RNF138: variants seen among roughly 807,000 people sequenced by gnomAD.
RNF138 encodes the protein E3 ubiquitin-protein ligase RNF138.
Under a neutral mutation model 31.0 loss-of-function variants are expected in RNF138, and 12 were observed. That is an observed-to-expected ratio of 0.39 (90% CI 0.25 to 0.63). RNF138 has a LOEUF of 0.63. Among genes scored for constraint, RNF138 ranks in the 20% least tolerant of loss-of-function variants. RNF138 has a pLI of 0.52. For missense variants in RNF138, 192 were observed against 300.1 expected (o/e 0.64, Z 2.66); for synonymous variants, 105 against 99.5 (o/e 1.06, Z -0.33).
At chr18:32,116,836 T>A (rs974894606) in intron 4 of RNF138, among the ~76,000 whole-genome samples, 1 of 151,126 alleles carries the variant, frequency 6.6e-6, no homozygotes, top group Non-Finnish European at 1.5e-5. Flanking sequence ...CCACCTGCCT[T>A]GGCCTTCCAA....
At chr18:32,126,830 A>C in intron 7 of RNF138, 30 bp downstream of exon 7, 1 of 1,291,416 alleles carries the variant, frequency 7.7e-7, no homozygotes. Context: ...TTAAGAAAGT[A>C]CTGTTTAAAT....
At chr18:32,103,849 C>G (rs2039982824) in intron 2 of RNF138, among the ~76,000 whole-genome samples, 2 of 98,166 alleles carry the variant, frequency 2.0e-5, no homozygotes, top group Admixed American at 2.5e-4. Flanking sequence ...ACCTGTAGTC[C>G]CAGCTACTCG....
rs1568244293 is a variant in RNF138, at chr18:32,129,663, A to T, written c.*476A>T. On this transcript the variant is annotated 3_prime_UTR_variant, in exon 8 of 8. Transcript: ENST00000261593. ...TGCTAAATGGAATAATCCAAAGGAA[A>T]TTTTTTAAATGCAGGTTCTAGCTGA... 6.6e-6 allele frequency: 1 copy of T among 152,662 alleles called. No individual in the cohort carries two copies. The highest frequency in any genetic ancestry group is 2.4e-5 in the African/African-American group (1 of 41,456). 9.5% of individuals were successfully genotyped at this position (152,662 alleles called of 1,614,324 possible). A position where few individuals can be genotyped will look rare whatever the true frequency, so the allele number is the denominator to read the frequency against.
At chr18:32,111,611 C>T (rs2040132214) in intron 2 of RNF138, 143 bp from the exon 3 acceptor site, 2 of 668,034 alleles carry the variant, frequency 3.0e-6, no homozygotes, top group African/African-American at 3.7e-5. Flanking sequence ...TATACAGTTA[C>T]TAAACTTCTG....
intron 4 of RNF138, among the ~76,000 whole-genome samples, chr18:32,121,591 C>CTATT (rs2040307121): frequency 6.6e-6 from 1 of 152,078 alleles, no homozygotes; most frequent in South Asian, 2.1e-4. Context: ...TTCTATAAAC[C>CTATT]TATTAGAAGT....
In RNF138 at chr18:32,096,971, G is replaced by A. The variant is rs140367287; in HGVS notation, c.110+4085G>A. Among the ~76,000 whole-genome samples, 31 of 152,196 alleles carry A rather than the reference G, an allele frequency of 2.0e-4. No individual in the cohort carries two copies. The East Asian group carries it at 5.6e-3, about 28-fold the overall frequency. ...AGTCTCTAACTCCTGGGTGCAAACCGTCCTCCTGCCTCAGCCTCCCAAAGT... is the reference window on the plus strand; with the variant it reads ...AGTCTCTAACTCCTGGGTGCAAACCATCCTCCTGCCTCAGCCTCCCAAAGT... On this transcript the variant is annotated intron_variant, in intron 2 of 7. Coordinates refer to ENST00000261593, the MANE Select transcript of RNF138 (RefSeq NM_016271.5).
At chr18:32,114,755 AATATT>A (rs2144250896) in intron 4 of RNF138, among the ~76,000 whole-genome samples, 1 of 152,346 alleles carries the variant, frequency 6.6e-6, no homozygotes, top group Non-Finnish European at 1.5e-5. Flanking sequence ...AGCAGTCTCT[AATATT>A]TTATTTTAGT....
chr18:32,125,091 G>C lies in RNF138; in HGVS notation c.561+246G>C, dbSNP rs574807447. ...GTAATATAGCACAGTCTGGAGAAGAGTGAAGTAATGAAAGATGAACCGGGA... is the reference window on the plus strand; with the variant it reads ...GTAATATAGCACAGTCTGGAGAAGACTGAAGTAATGAAAGATGAACCGGGA... On this transcript the variant is annotated intron_variant, in intron 6 of 7. Coordinates refer to ENST00000261593, the MANE Select transcript of RNF138 (RefSeq NM_016271.5). The C allele has an allele frequency of 2.4e-5, 8 of 332,656 alleles. No individual in the cohort carries two copies. In the Admixed American group the frequency reaches 3.4e-4, roughly 14 times the overall value. The allele number at this position is 332,656 out of a possible 1,614,324, so 20.6% of individuals were successfully genotyped here. A position where few individuals can be genotyped will look rare whatever the true frequency, so the allele number is the denominator to read the frequency against.
intron 2 of RNF138, among the ~76,000 whole-genome samples, chr18:32,108,095 TCCACCCG>T (rs1179863353): frequency 1.3e-5 from 2 of 152,056 alleles, no homozygotes; most frequent in African/African-American, 4.8e-5. Flanking sequence ...CTTCAGGTGA[TCCACCCG>T]CCTCGGCTCC....
intron 5 of RNF138, 141 bp downstream of exon 5, chr18:32,123,715 C>T (rs550504145): frequency 1.4e-5 from 7 of 493,280 alleles, no homozygotes; most frequent in African/African-American, 8.5e-5. Flanking sequence ...TGCAGTGGTG[C>T]GATCTTGGCT....
In RNF138 at chr18:32,129,463, ATAT is replaced by A. The variant is rs1031225491; in HGVS notation, c.*281_*283del. On this transcript the variant is annotated 3_prime_UTR_variant, in exon 8 of 8. Coordinates refer to ENST00000261593, the MANE Select transcript of RNF138 (RefSeq NM_016271.5). ...CCCTGTTGTACTTTATCTTTTTGTA[ATAT>A]TATTTTTGAATTTTTCATTATTATG... The A allele has an allele frequency of 3.3e-5, 9 of 272,506 alleles. No individual in the cohort carries two copies. The highest frequency in any genetic ancestry group is 5.4e-5 in the Non-Finnish European group (8 of 146,914). 16.9% of individuals were successfully genotyped at this position (272,506 alleles called of 1,614,324 possible).
intron 2 of RNF138, among the ~76,000 whole-genome samples, chr18:32,098,211 C>G (rs2039849882): frequency 6.6e-6 from 1 of 151,998 alleles, no homozygotes; most frequent in African/African-American, 2.4e-5. Flanking sequence ...TGGTTTTGAA[C>G]TCCAGGCTGG....
chr18:32,111,634 A>G (rs894579072), intron 2 of RNF138, 120 bp from the exon 3 acceptor site: 7 of 790,706 alleles, frequency 8.9e-6, no homozygotes, highest in Admixed American at 2.9e-5. Flanking sequence ...ATTTATGTAC[A>G]TATGAGTAGC....
At chr18:32,122,644 C>T (rs1301617757) in intron 4 of RNF138, among the ~76,000 whole-genome samples, 1 of 151,836 alleles carries the variant, frequency 6.6e-6, no homozygotes, top group Non-Finnish European at 1.5e-5. Flanking sequence ...GCTAACATGG[C>T]GAAACCCCGT....
intron 7 of RNF138, among the ~76,000 whole-genome samples, chr18:32,127,240 A>G (rs954239890): frequency 6.6e-6 from 1 of 152,212 alleles, no homozygotes; most frequent in African/African-American, 2.4e-5. Context: ...GAGGGAGCTT[A>G]GTTATCAGGC....
rs1373974327 is a variant in RNF138 at position 32,130,851 on chromosome 18, A to G, written c.*1664A>G. On this transcript the variant is annotated 3_prime_UTR_variant, in exon 8 of 8. Coordinates refer to ENST00000261593, the MANE Select transcript of RNF138 (RefSeq NM_016271.5). ...TCTGTCATTTTAAAGAGTGGTGTTT[A>G]CTATGTGTGTGCTTGAGCATTTTCT... 1 of 152,512 alleles carries G rather than the reference A, an allele frequency of 6.6e-6. No homozygotes were observed. Among genetic ancestry groups the G allele is most frequent in the African/African-American group, 2.4e-5 (1 of 41,464 alleles). The allele number at this position is 152,512 out of a possible 1,614,324, so 9.4% of individuals were successfully genotyped here. A position where few individuals can be genotyped will look rare whatever the true frequency, so the allele number is the denominator to read the frequency against.
At chr18:32,092,639 C>T (rs1426457806) in intron 1 of RNF138, 61 bp from the exon 2 acceptor site, 2 of 658,464 alleles carry the variant, frequency 3.0e-6, no homozygotes, top group Non-Finnish European at 5.5e-6. Flanking sequence ...AGGGCCCCGC[C>T]CCCTTCCTGG....
At chr18:32,112,115 TG>T (rs1327721892) in intron 3 of RNF138, among the ~76,000 whole-genome samples, 196 bp downstream of exon 3, 3 of 150,914 alleles carry the variant, frequency 2.0e-5, no homozygotes, top group Admixed American at 6.6e-5. Context: ...GAAATGAGAC[TG>T]AAAAAAAAAT....
At chr18:32,100,516 G>T (rs150989216) in intron 2 of RNF138, among the ~76,000 whole-genome samples, 1 of 129,306 alleles carries the variant, frequency 7.7e-6, no homozygotes, top group Non-Finnish European at 1.6e-5. Context: ...GCTCTTGTTG[G>T]CCAGGCTGGA....
Sources: gnomAD v4.1 joint callset for allele counts (sites outside exome capture counted in the v4.1 genomes callset) on GRCh38, gnomAD v4.1.1 for gene constraint, MANE v1.5 for transcripts, NCBI Gene and HGNC (gene_info 2026-07-23, HGNC 2026-07-21) for gene names.